ATP6V1C2: variants seen among roughly 807,000 people sequenced by gnomAD.
ATP6V1C2 encodes the protein ATPase H+ transporting V1 subunit C2, also known as V-type proton ATPase subunit C 2.
In ATP6V1C2, 45 loss-of-function variants were observed where a neutral mutation model predicts 56.8. The observed-to-expected ratio is 0.79, with a 90% CI of 0.62 to 1.02. ATP6V1C2 has a LOEUF of 1.02. Ranked by LOEUF, ATP6V1C2 falls within the 50% of genes least tolerant of loss-of-function variation. The pLI is 0.00. For synonymous variants in ATP6V1C2, 220 were observed against 201.3 expected (o/e 1.09, Z -0.79); for missense variants, 463 against 519.7 (o/e 0.89, Z 1.06).
chr2:10,756,242 C>T (rs1037493079), intron 4 of ATP6V1C2, among the ~76,000 whole-genome samples: 7 of 151,992 alleles, frequency 4.6e-5, no homozygotes, highest in Non-Finnish European at 1.0e-4. Flanking sequence ...CACCTGTAAT[C>T]CCAGCTACTT....
At chr2:10,733,032 A>G (rs1305878782) in intron 3 of ATP6V1C2, among the ~76,000 whole-genome samples, 1 of 152,150 alleles carries the variant, frequency 6.6e-6, no homozygotes, top group African/African-American at 2.4e-5. Flanking sequence ...ATAATTGTGA[A>G]ACAGATAGAA....
intron 5 of ATP6V1C2, among the ~76,000 whole-genome samples, chr2:10,766,066 G>A (rs1380302928): frequency 6.6e-6 from 1 of 152,184 alleles, no homozygotes; most frequent in Non-Finnish European, 1.5e-5. Flanking sequence ...TTGAGCGAGC[G>A]ATCCAGGACC....
intron 3 of ATP6V1C2, among the ~76,000 whole-genome samples, chr2:10,733,797 C>CCGTTGCTTGCCCCTAAGTGCTTCCCCTGT (rs1232597148): frequency 8.2e-5 from 6 of 73,256 alleles, no homozygotes; most frequent in Admixed American, 1.6e-4. Flanking sequence ...TGCTTGGTGA[C>CCGTTGCTTGCCCCTAAGTGCTTCCCCTGT]CGTTGCTTGC....
chr2:10,773,950 C>T lies in ATP6V1C2; in HGVS notation c.639-838C>T, dbSNP rs1439707099. ...GGGGAGGCAGGGAAGAGGAGCAAGG[C>T]TCTGGAGCAGAGGAGCTGGCCCTTG... On this transcript the variant is annotated intron_variant, in intron 8 of 13. Coordinates refer to ENST00000272238, the MANE Select transcript of ATP6V1C2 (RefSeq NM_001039362.2). Among the ~76,000 whole-genome samples, 6 of 152,206 alleles carry T rather than the reference C, an allele frequency of 3.9e-5. No homozygotes were observed. In the East Asian group the frequency reaches 9.6e-4, roughly 24 times the overall value.
chr2:10,750,895 C>T (rs931677504), intron 3 of ATP6V1C2, among the ~76,000 whole-genome samples: 3 of 151,910 alleles, frequency 2.0e-5, no homozygotes, highest in African/African-American at 4.8e-5. Flanking sequence ...CAGTGCTTGG[C>T]GCATAGTAGT....
At position 10,777,673 on chromosome 2, in the gene ATP6V1C2, C is replaced by T; in HGVS notation, c.914C>T (p.Pro305Leu). Reference sequence around the variant, plus strand: ...ACCCCGCTAGGTAACCCTGATAGGCCTGCTGCGGGGCAGACCGACAGAGAG... The same window carrying T: ...ACCCCGCTAGGTAACCCTGATAGGCTTGCTGCGGGGCAGACCGACAGAGAG... ...KVTPLGNPDR[P>L]AAGQTDRERE... Residue 305 changes from proline to leucine, a missense_variant, in exon 11 of 14, where the codon CCT (proline) becomes CTT (leucine). Physicochemically the swap from Pro to Leu is moderately conservative, Grantham distance 98 (BLOSUM62 -3). Transcript: ENST00000272238. 1 of 1,614,054 alleles carries T rather than the reference C, an allele frequency of 6.2e-7. No homozygotes were observed. The highest frequency in any genetic ancestry group is 8.5e-7 in the Non-Finnish European group (1 of 1,180,010).
intron 4 of ATP6V1C2, among the ~76,000 whole-genome samples, chr2:10,756,474 C>G (rs1442102710): frequency 6.6e-6 from 1 of 152,066 alleles, no homozygotes; most frequent in African/African-American, 2.4e-5. Context: ...AATCCCAGCA[C>G]TTTGGGAGGC....
chr2:10,745,043 T>TTC (rs1662818966), intron 3 of ATP6V1C2, among the ~76,000 whole-genome samples: 2 of 121,692 alleles, frequency 1.6e-5, no homozygotes, highest in South Asian at 4.4e-4. Flanking sequence ...TTTATTTTCT[T>TTC]TTTTTTTTTT....
At chr2:10,779,031 C>T (rs1665178510) in intron 12 of ATP6V1C2, among the ~76,000 whole-genome samples, 1 of 152,174 alleles carries the variant, frequency 6.6e-6, no homozygotes, top group Non-Finnish European at 1.5e-5. Context: ...CGTCCTCAGC[C>T]TGGAAGCCGC....
chr2:10,743,761 G>A (rs1005827834), intron 3 of ATP6V1C2, among the ~76,000 whole-genome samples: 6 of 151,800 alleles, frequency 4.0e-5, no homozygotes, highest in Admixed American at 6.6e-5. Flanking sequence ...GAGGTGGGTG[G>A]ATCACTTGAG....
chr2:10,767,562 A>G (rs927438577), intron 5 of ATP6V1C2, among the ~76,000 whole-genome samples: 1 of 152,062 alleles, frequency 6.6e-6, no homozygotes, highest in Non-Finnish European at 1.5e-5. Flanking sequence ...GGTTCAAGCA[A>G]TTCTCCTGCC....
chr2:10,726,068 G>A (rs910585901), intron 2 of ATP6V1C2, among the ~76,000 whole-genome samples: 11 of 152,020 alleles, frequency 7.2e-5, no homozygotes, highest in African/African-American at 9.7e-5. Context: ...CAACAAGAGC[G>A]AAACTCCATC....
intron 2 of ATP6V1C2, among the ~76,000 whole-genome samples, chr2:10,724,241 C>T (rs767165258): frequency 4.5e-4 from 69 of 152,178 alleles, no homozygotes; most frequent in Non-Finnish European, 9.1e-4. Flanking sequence ...CTTTTCAAAC[C>T]TCACTTTGCC....
rs571304731 is a variant in ATP6V1C2 at position 10,727,395 on chromosome 2, A to C, written c.197+826A>C. Among the ~76,000 whole-genome samples, 15 of 151,736 alleles carry C rather than the reference A, an allele frequency of 9.9e-5. No homozygotes were observed. The South Asian group carries it at 2.9e-3, about 30-fold the overall frequency. On this transcript the variant is annotated intron_variant, in intron 3 of 13. Transcript: ENST00000272238. ...CAAAAGACCTTGTTTCTAAGAAAAA[A>C]AAAAAAAAAAAATAGCTAGATGTGG...
rs1188421856 is a variant in ATP6V1C2, at chr2:10,780,298, G to A, written c.1061+1629G>A. Among the ~76,000 whole-genome samples the A allele has an allele frequency of 1.3e-5, 2 of 152,114 alleles. No homozygotes were observed. The highest frequency in any genetic ancestry group is 4.8e-5 in the African/African-American group (2 of 41,396). On this transcript the variant is annotated intron_variant, in intron 12 of 13. Coordinates refer to ENST00000272238, the MANE Select transcript of ATP6V1C2 (RefSeq NM_001039362.2). The surrounding 1 kb of genome is among the most constrained non-coding windows in gnomAD (Gnocchi z 4.1). ...AGTTTAGACACCCCTGACAGGCCCG[G>A]TCCACTCCGCCTTTGCACTCTCTCT...
At chr2:10,754,604 C>T (rs1663418731) in intron 4 of ATP6V1C2, among the ~76,000 whole-genome samples, 1 of 148,916 alleles carries the variant, frequency 6.7e-6, no homozygotes, top group Non-Finnish European at 1.5e-5. Context: ...GATGGAGTCT[C>T]GCTTGTCACC....
intron 3 of ATP6V1C2, among the ~76,000 whole-genome samples, chr2:10,743,009 C>T (rs957690570): frequency 5.3e-5 from 8 of 152,198 alleles, no homozygotes; most frequent in Admixed American, 1.3e-4. Flanking sequence ...CAATTTCTTC[C>T]CTTGGGGATT....
intron 3 of ATP6V1C2, among the ~76,000 whole-genome samples, chr2:10,730,852 C>T (rs1159496391): frequency 6.6e-6 from 1 of 152,030 alleles, no homozygotes; most frequent in African/African-American, 2.4e-5. Flanking sequence ...GGGATTTCTC[C>T]ACATTGGTCA....
chr2:10,720,956 C>T (rs1196694356), upstream of ATP6V1C2: 2 of 152,208 alleles, frequency 1.3e-5, no homozygotes, highest in South Asian at 2.1e-4. Context: ...CCTCCTGGTT[C>T]CAGACAGCAC....
Sources: allele counts gnomAD v4.1 joint callset (sites outside exome capture counted in the v4.1 genomes callset), GRCh38; gene constraint gnomAD v4.1.1; non-coding constraint Gnocchi (gnomAD v3.1); transcripts MANE v1.5; gene names NCBI Gene and HGNC (gene_info 2026-07-23, HGNC 2026-07-21).